Variants in ARID2 observed in about 807,000 individuals in gnomAD.
ARID2 encodes the protein AT-rich interactive domain-containing protein 2.
Under a neutral mutation model 184.6 loss-of-function variants are expected in ARID2, and 32 were observed. The ratio of observed to expected loss-of-function variants is 0.17; its 90% CI spans 0.13 to 0.23. The LOEUF is 0.23. Among genes scored for constraint, ARID2 ranks in the 10% least tolerant of loss-of-function variants. ARID2 has a pLI of 1.00. For missense variants in ARID2, 1,696 were observed against 2,197.6 expected, an observed-to-expected ratio of 0.77 and a Z score of 4.56; for synonymous variants, 836 against 772.6, an observed-to-expected ratio of 1.08 and a Z score of -1.36.
At chr12:45,751,451 T>C (rs1160975897) in intron 3 of ARID2, among the ~76,000 whole-genome samples, 1 of 152,132 alleles carries the variant, frequency 6.6e-6, no homozygotes, top group African/African-American at 2.4e-5. Flanking sequence ...ACTGAAGCCA[T>C]TGGAGGATTT....
At chr12:45,885,467 G>A (rs1042047592) in intron 16 of ARID2, among the ~76,000 whole-genome samples, 4 of 151,748 alleles carry the variant, frequency 2.6e-5, no homozygotes, top group African/African-American at 7.3e-5. Context: ...TTGTTTGTTT[G>A]TTTGTTTCAG....
In ARID2 at chr12:45,891,932, A is replaced by G. The variant is rs1298665102; in HGVS notation, c.5061+14A>G. On this transcript the variant is annotated intron_variant, in intron 17 of 20. Coordinates refer to ENST00000334344, the MANE Select transcript of ARID2 (RefSeq NM_152641.4). Reference sequence around the variant, plus strand: ...ACCCACTTGCAGGTACACTTTTTAAATACTATTTGATCAGTAACTCATTTG... The same window carrying G: ...ACCCACTTGCAGGTACACTTTTTAAGTACTATTTGATCAGTAACTCATTTG... 6.8e-6 allele frequency: 11 copies of G among 1,613,920 alleles called. No homozygotes were observed. The highest frequency in any genetic ancestry group is 9.3e-6 in the Non-Finnish European group (11 of 1,179,994).
intron 16 of ARID2, among the ~76,000 whole-genome samples, chr12:45,883,759 C>T (rs1258443783): frequency 6.6e-6 from 1 of 151,642 alleles, no homozygotes; most frequent in Non-Finnish European, 1.5e-5. Context: ...GGAAAAGTTA[C>T]TTTTTGAAAG....
Position 45,852,433 on chromosome 12 carries a change from C to A in ARID2, c.4310C>A (p.Ala1437Glu), listed in dbSNP as rs774475353. 1 of 1,614,118 alleles carries A rather than the reference C, an allele frequency of 6.2e-7. No homozygotes were observed. Among genetic ancestry groups the A allele is most frequent in the Non-Finnish European group, 8.5e-7 (1 of 1,180,002 alleles). ...AGCAGTATACAGGAGGCTTCAAATG[C>A]GGCAACACAGCAATTTAGTGGTACT... The part of the protein sequence containing the change: ...SVSSIQEASN[A>E]ATQQFSGTDL... Residue 1437 changes from alanine (A) to glutamate (E), a missense_variant, in exon 15 of 21, where the codon GCG becomes GAG. By Grantham distance (107) the Ala-to-Glu change is moderately radical. Coordinates refer to ENST00000334344, the MANE Select transcript of ARID2 (RefSeq NM_152641.4).
intron 16 of ARID2, among the ~76,000 whole-genome samples, chr12:45,867,469 G>A (rs978001502): frequency 1.3e-5 from 2 of 151,296 alleles, no homozygotes; most frequent in East Asian, 2.0e-4. Context: ...CTGGCCGGGC[G>A]CAGTGGCTCA....
At chr12:45,767,743 T>G (rs1374815141) in intron 3 of ARID2, among the ~76,000 whole-genome samples, 1 of 152,208 alleles carries the variant, frequency 6.6e-6, no homozygotes, top group Non-Finnish European at 1.5e-5. Flanking sequence ...GAACTATAGT[T>G]TGTACATCTT....
intron 20 of ARID2, chr12:45,904,316 C>A (rs1944493777): frequency 1.4e-6 from 1 of 715,656 alleles, no homozygotes; most frequent in African/African-American, 1.8e-5. Context: ...CAGCTGTTTT[C>A]TGACACCATT....
In ARID2 at chr12:45,810,937, C is replaced by T. The variant is rs139143909; in HGVS notation, c.285-481C>T. 6.5e-3 allele frequency among the ~76,000 whole-genome samples: 993 copies of T among 152,134 alleles called. 18 individuals are homozygous for T. In the South Asian group the frequency reaches 0.068, roughly 10 times the overall value. On this transcript the variant is annotated intron_variant, in intron 3 of 20. Coordinates refer to ENST00000334344, the MANE Select transcript of ARID2 (RefSeq NM_152641.4). ...AGAACCATTGCATTGAGGCCGGGCG[C>T]GGTGGCTCATGCCTGTAATCCCAGC...
In ARID2 at chr12:45,817,849, A is replaced by G. The variant is rs1316824721; in HGVS notation, c.598A>G (p.Ile200Val). The G allele has an allele frequency of 1.2e-6, 2 of 1,613,402 alleles. No individual in the cohort carries two copies. Among genetic ancestry groups the G allele is most frequent in the South Asian group, 1.1e-5 (1 of 91,034 alleles). ...VMQLEKDPKIITLLLANAGVF... is the reference protein window; with the variant it reads ...VMQLEKDPKIVTLLLANAGVF... Reference sequence around the variant, plus strand: ...GCAACTTGAAAAAGATCCTAAAATCATCACTTTACTACTTGCTAATGCCGG... The same window carrying G: ...GCAACTTGAAAAAGATCCTAAAATCGTCACTTTACTACTTGCTAATGCCGG... The change falls in exon 5 of 21, where the codon ATC (isoleucine) becomes GTC (valine). Residue 200 changes from isoleucine to valine, a missense_variant. Transcript: ENST00000334344.
intron 16 of ARID2, among the ~76,000 whole-genome samples, chr12:45,877,193 G>C (rs917007304): frequency 6.6e-6 from 1 of 152,090 alleles, no homozygotes; most frequent in African/African-American, 2.4e-5. Flanking sequence ...TCCGTGGCCT[G>C]TTAGGAACCA....
chr12:45,858,286 A>G (rs1294031417), intron 15 of ARID2, among the ~76,000 whole-genome samples: 1 of 152,148 alleles, frequency 6.6e-6, no homozygotes, highest in Non-Finnish European at 1.5e-5. Flanking sequence ...GCATGAGCCC[A>G]GGAGTTCAAG....
At chr12:45,891,435 A>C (rs929762486) in intron 16 of ARID2, among the ~76,000 whole-genome samples, 1 of 152,216 alleles carries the variant, frequency 6.6e-6, no homozygotes, top group Admixed American at 6.5e-5. Context: ...GACTTACTAA[A>C]ACTTATAGAA....
chr12:45,812,301 A>G (rs1942724335), intron 4 of ARID2, among the ~76,000 whole-genome samples: 1 of 151,628 alleles, frequency 6.6e-6, no homozygotes, highest in Non-Finnish European at 1.5e-5. Flanking sequence ...ATTTACTGGT[A>G]CTAGTTCTGT....
At chr12:45,767,820 A>T (rs888807170) in intron 3 of ARID2, among the ~76,000 whole-genome samples, 1 of 152,204 alleles carries the variant, frequency 6.6e-6, no homozygotes, top group South Asian at 2.1e-4. Flanking sequence ...CTGATTGTGG[A>T]AGAGGAATGC....
rs2138128114 is a variant in ARID2, at chr12:45,836,926, G to A, written c.958G>A (p.Ala320Thr). 1.2e-6 allele frequency: 2 copies of A among 1,614,036 alleles called. No individual in the cohort carries two copies. The highest frequency in any genetic ancestry group is 1.7e-6 in the Non-Finnish European group (2 of 1,179,984). Residue 320 changes from alanine (A) to threonine (T), a missense_variant, in exon 8 of 21, where the codon GCA becomes ACA. Coordinates refer to ENST00000334344, the MANE Select transcript of ARID2 (RefSeq NM_152641.4). ...CTGTCTTCGTTTCCTATTACTTTCT[G>A]CACATAGTCATTTTATTTCTTTAAG... ...RTCLRFLLLSAHSHFISLRQL... is the reference protein window; with the variant it reads ...RTCLRFLLLSTHSHFISLRQL...
intron 3 of ARID2, among the ~76,000 whole-genome samples, chr12:45,768,617 C>T (rs570612502): frequency 9.9e-5 from 15 of 152,094 alleles, no homozygotes; most frequent in African/African-American, 2.9e-4. Flanking sequence ...CAGGAGGGTG[C>T]GGTGAGAGAC....
intron 6 of ARID2, among the ~76,000 whole-genome samples, chr12:45,832,376 T>A (rs753525059): frequency 2.6e-5 from 4 of 152,184 alleles, no homozygotes; most frequent in Non-Finnish European, 5.9e-5. Context: ...TTACTTGGGG[T>A]TCATTTAGTT....
At chr12:45,843,390 T>C (rs1353906495) in intron 11 of ARID2, among the ~76,000 whole-genome samples, 3 of 151,066 alleles carry the variant, frequency 2.0e-5, no homozygotes, top group Non-Finnish European at 4.4e-5. Flanking sequence ...TTTTTTTTTT[T>C]CTAAAGACAG....
rs753927423 is a variant in ARID2 at position 45,849,594 on chromosome 12, A to G, written c.1730A>G (p.Asn577Ser). The G allele has an allele frequency of 6.2e-7, 1 of 1,611,990 alleles. No individual in the cohort carries two copies. Reference protein sequence around the residue: ...FYKCLRTVFPNHTVKRVEDSS... With the variant: ...FYKCLRTVFPSHTVKRVEDSS... ...GTACTTTACAGAACGGTCTTTCCAA[A>G]TCATACAGTGAAGAGAGTGGAGGAT... The change falls in exon 14 of 21, where the codon AAT becomes AGT. Residue 577 changes from asparagine (N) to serine (S), a missense_variant. By Grantham distance (46) the Asn-to-Ser change is conservative. Around this residue, in one of 11 missense-constraint regions of ARID2, gnomAD observed 713 missense variants for 824.4 expected, o/e 0.86. Transcript: ENST00000334344.
Sources: allele counts gnomAD v4.1 joint callset (sites outside exome capture counted in the v4.1 genomes callset), GRCh38; gene constraint gnomAD v4.1.1; regional missense constraint gnomAD v4.1.1; transcripts MANE v1.5; gene names NCBI Gene and HGNC (gene_info 2026-07-23, HGNC 2026-07-21).